EDIL3: variants seen among roughly 807,000 people sequenced by gnomAD.
The protein encoded by EDIL3 is EGF like and discoidin domains 3.
EDIL3 carries 37 observed loss-of-function variants against 67.4 expected under a neutral mutation model. The observed-to-expected ratio is 0.55, with a 90% CI of 0.42 to 0.72. EDIL3 has a LOEUF of 0.72. Ranked by LOEUF, EDIL3 falls within the 30% of genes least tolerant of loss-of-function variation. The pLI, the probability that EDIL3 is intolerant of heterozygous loss-of-function variation, is 0.00. For missense variants in EDIL3, 527 were observed against 586.3 expected (o/e 0.90, Z 1.04); for synonymous variants, 195 against 196.3 (o/e 0.99, Z 0.05).
intron 1 of EDIL3, among the ~76,000 whole-genome samples, chr5:84,314,259 G>T (rs947468538): frequency 6.6e-6 from 1 of 152,072 alleles, no homozygotes; most frequent in African/African-American, 2.4e-5. Context: ...TCAGGAGGCA[G>T]TCCGTACTAT....
At chr5:84,163,982 T>C (rs1013736744) in intron 4 of EDIL3, among the ~76,000 whole-genome samples, 1 of 152,112 alleles carries the variant, frequency 6.6e-6, no homozygotes, top group African/African-American at 2.4e-5. Context: ...CTTGTAATAA[T>C]TGACTGCTTT....
At chr5:84,015,383 T>C (rs1745584456) in intron 9 of EDIL3, among the ~76,000 whole-genome samples, 2 of 152,226 alleles carry the variant, frequency 1.3e-5, no homozygotes, top group Admixed American at 1.3e-4. Flanking sequence ...GCAAATATTT[T>C]AGGCCCAGAC....
At chr5:84,293,962 T>C (rs1464885327) in intron 1 of EDIL3, among the ~76,000 whole-genome samples, 3 of 152,140 alleles carry the variant, frequency 2.0e-5, no homozygotes, top group East Asian at 1.9e-4. Context: ...CAATATTATA[T>C]ATCCCATTTG....
At chr5:84,116,249 G>T (rs1413709162) in intron 5 of EDIL3, among the ~76,000 whole-genome samples, 3 of 149,644 alleles carry the variant, frequency 2.0e-5, no homozygotes, top group Non-Finnish European at 4.4e-5. Context: ...AGGTGCCAAG[G>T]AAAGACATAC....
At chr5:84,151,334 A>C (rs1580350820) in intron 4 of EDIL3, among the ~76,000 whole-genome samples, 2 of 151,868 alleles carry the variant, frequency 1.3e-5, no homozygotes, top group Admixed American at 6.6e-5. Flanking sequence ...CACAGAACTA[A>C]TGAGGAACAT....
intron 3 of EDIL3, among the ~76,000 whole-genome samples, chr5:84,224,488 G>C (rs995809702): frequency 4.0e-5 from 6 of 151,352 alleles, no homozygotes; most frequent in Non-Finnish European, 7.4e-5. Context: ...TATTGTTATA[G>C]TCAGTTTATG....
intron 3 of EDIL3, among the ~76,000 whole-genome samples, chr5:84,201,586 T>C (rs1225033666): frequency 1.3e-5 from 2 of 150,394 alleles, no homozygotes; most frequent in Admixed American, 6.6e-5. Flanking sequence ...TACCCAGTAT[T>C]AGTAAACTGA....
intron 9 of EDIL3, among the ~76,000 whole-genome samples, chr5:84,037,661 G>A (rs377407015): frequency 3.9e-5 from 6 of 151,940 alleles, no homozygotes; most frequent in Admixed American, 2.0e-4. Flanking sequence ...AATTAATGAC[G>A]TTATTTATAA....
rs994942560 is a variant in EDIL3 at position 83,971,220 on chromosome 5, A to C, written c.1138-7860T>G. Among the ~76,000 whole-genome samples the C allele has an allele frequency of 3.3e-5, 5 of 151,504 alleles. No homozygotes were observed. The East Asian group carries it at 9.7e-4, about 29-fold the overall frequency. ...GCACCTCTCTTATTTTCTCAGCATT[A>C]ATCTTACCTTCTCTATTACTCCTCT... On this transcript the variant is annotated intron_variant, in intron 9 of 10. Coordinates refer to ENST00000296591, the MANE Select transcript of EDIL3 (RefSeq NM_005711.5).
intron 5 of EDIL3, among the ~76,000 whole-genome samples, chr5:84,109,794 T>A (rs1747527655): frequency 6.6e-6 from 1 of 152,142 alleles, no homozygotes; most frequent in African/African-American, 2.4e-5. Context: ...GAAGCATGAC[T>A]GTGATGGGGA....
chr5:83,999,223 C>T (rs926364874), intron 9 of EDIL3, among the ~76,000 whole-genome samples: 1 of 152,134 alleles, frequency 6.6e-6, no homozygotes, highest in Admixed American at 6.6e-5. Flanking sequence ...CTACGTAAGT[C>T]TTCAATGCCC....
At chr5:84,026,539 A>T (rs968141754) in intron 9 of EDIL3, among the ~76,000 whole-genome samples, 1 of 152,022 alleles carries the variant, frequency 6.6e-6, no homozygotes, top group Non-Finnish European at 1.5e-5. Flanking sequence ...CATTTCTACC[A>T]AGTTCAATTT....
chr5:84,375,041 G>A (rs945701019), intron 1 of EDIL3, among the ~76,000 whole-genome samples: 2 of 150,212 alleles, frequency 1.3e-5, no homozygotes, highest in South Asian at 2.1e-4. Context: ...GCATGATCTC[G>A]GCTCACTGCA....
Position 84,101,133 on chromosome 5 carries a change from G to A in EDIL3, c.651+5516C>T, listed in dbSNP as rs10056170. 5.6e-3 allele frequency among the ~76,000 whole-genome samples: 858 copies of A among 152,140 alleles called. 9 individuals carry two copies. The highest frequency in any genetic ancestry group is 0.02 in the African/African-American group (829 of 41,518). ...ATCCTCCAATGGTAATTTAATGACA[G>A]TTACTAGTCCGACCTGTGTTGCAAT... On this transcript the variant is annotated intron_variant, in intron 6 of 10. Coordinates refer to ENST00000296591, the MANE Select transcript of EDIL3 (RefSeq NM_005711.5).
At chr5:83,989,894 A>T (rs2112157907) in intron 9 of EDIL3, among the ~76,000 whole-genome samples, 1 of 152,276 alleles carries the variant, frequency 6.6e-6, no homozygotes, top group South Asian at 2.1e-4. Context: ...CATGGCAAAG[A>T]ACTGTGAGTG....
intron 9 of EDIL3, among the ~76,000 whole-genome samples, chr5:84,028,981 G>A: frequency 6.6e-6 from 1 of 152,142 alleles, no homozygotes; most frequent in Non-Finnish European, 1.5e-5. Context: ...GTTCCAGCTG[G>A]ATGTGGTGGC....
intron 1 of EDIL3, among the ~76,000 whole-genome samples, chr5:84,369,990 C>G (rs1747811825): frequency 6.6e-6 from 1 of 152,140 alleles, no homozygotes; most frequent in Non-Finnish European, 1.5e-5. Context: ...TGCCTTTCCT[C>G]AAACCAAACA....
chr5:84,266,207 C>T (rs1320504314), intron 1 of EDIL3, among the ~76,000 whole-genome samples: 5 of 152,184 alleles, frequency 3.3e-5, no homozygotes, highest in Non-Finnish European at 7.4e-5. Context: ...TGCCTCTATT[C>T]TATCAATAGC....
At chr5:84,024,571 G>C (rs151214352) in intron 9 of EDIL3, among the ~76,000 whole-genome samples, 2 of 152,110 alleles carry the variant, frequency 1.3e-5, no homozygotes, top group African/African-American at 4.8e-5. Context: ...GGCAGGCAGC[G>C]TGGTAAAAGC....
Sources: allele counts gnomAD v4.1 joint callset (sites outside exome capture counted in the v4.1 genomes callset), GRCh38; gene constraint gnomAD v4.1.1; transcripts MANE v1.5; gene names NCBI Gene and HGNC (gene_info 2026-07-23, HGNC 2026-07-21).